Variants in PRKN observed in about 807,000 individuals in gnomAD.
PRKN encodes the protein parkin RBR E3 ubiquitin protein ligase.
A neutral mutation model predicts 59.5 loss-of-function variants in PRKN; 56 were observed. That is an observed-to-expected ratio of 0.94 (90% CI 0.76 to 1.18). The LOEUF (loss-of-function observed/expected upper bound fraction) is 1.18, where lower values mean the gene tolerates loss of function less well. PRKN is among the 50% of genes most tolerant of loss of function. PRKN has a pLI of 0.00. For missense variants in PRKN, 657 were observed against 596.4 expected, an observed-to-expected ratio of 1.10 and a Z score of -1.06; for synonymous variants, 250 against 222.1, an observed-to-expected ratio of 1.13 and a Z score of -1.12.
intron 6 of PRKN, among the ~76,000 whole-genome samples, chr6:161,932,270 G>A (rs7744171): frequency 0.039 from 5,947 of 151,976 alleles, 368 homozygotes; most frequent in African/African-American, 0.14. Flanking sequence ...TTATGTTTCC[G>A]AAACAGTTCA....
intron 7 of PRKN, among the ~76,000 whole-genome samples, chr6:161,747,940 A>G (rs529523567): frequency 1.8e-4 from 27 of 152,362 alleles, no homozygotes; most frequent in African/African-American, 6.0e-4. Context: ...AGGAGAAAAT[A>G]TAACCTAAAT....
At chr6:161,965,610 G>A (rs576123234) in intron 6 of PRKN, among the ~76,000 whole-genome samples, 5 of 152,166 alleles carry the variant, frequency 3.3e-5, no homozygotes, top group Non-Finnish European at 7.3e-5. Flanking sequence ...GAGGTCCTGA[G>A]AACATACCCA....
chr6:162,424,457 C>T (rs1009734063), intron 2 of PRKN, among the ~76,000 whole-genome samples: 7 of 151,940 alleles, frequency 4.6e-5, no homozygotes, highest in African/African-American at 9.7e-5. Flanking sequence ...GGGGGTGTGC[C>T]GGGCGTGGTG....
intron 4 of PRKN, among the ~76,000 whole-genome samples, chr6:162,126,637 C>T (rs146222082): frequency 1.1e-3 from 169 of 152,272 alleles, no homozygotes; most frequent in African/African-American, 3.6e-3. Flanking sequence ...ACATTTAATC[C>T]TCCTGCAGAC....
At chr6:162,216,889 A>T (rs562045941) in intron 3 of PRKN, among the ~76,000 whole-genome samples, 1 of 152,312 alleles carries the variant, frequency 6.6e-6, no homozygotes, top group Admixed American at 6.5e-5. Context: ...GGGTAAAATC[A>T]GGGTTTTGGA....
At chr6:162,066,351 CTCTTT>C (rs900559390) in intron 4 of PRKN, among the ~76,000 whole-genome samples, 80 of 152,186 alleles carry the variant, frequency 5.3e-4, no homozygotes, top group African/African-American at 1.9e-3. Context: ...TTCTCTCTCT[CTCTTT>C]TAAGGAAACA....
At chr6:162,669,051 A>G (rs1361120323) in intron 1 of PRKN, among the ~76,000 whole-genome samples, 3 of 152,152 alleles carry the variant, frequency 2.0e-5, no homozygotes, top group Admixed American at 6.6e-5. Flanking sequence ...AAATGGCACA[A>G]TAAGTAACAG....
At chr6:161,653,153 A>C (rs921921433) in intron 7 of PRKN, among the ~76,000 whole-genome samples, 11 of 152,134 alleles carry the variant, frequency 7.2e-5, no homozygotes, top group African/African-American at 2.7e-4. Context: ...CACAAGGTCA[A>C]AGATCGAGAC....
At chr6:162,190,879 C>T (rs1046192196) in intron 4 of PRKN, among the ~76,000 whole-genome samples, 2 of 152,172 alleles carry the variant, frequency 1.3e-5, no homozygotes, top group African/African-American at 4.8e-5. Flanking sequence ...ACCCACTGCC[C>T]TACAGATGTA....
At chr6:162,073,680 G>A (rs891503804) in intron 4 of PRKN, among the ~76,000 whole-genome samples, 9 of 152,276 alleles carry the variant, frequency 5.9e-5, no homozygotes, top group South Asian at 2.1e-4. Context: ...TGGAACTCCC[G>A]GGCTCAAGCA....
rs373122735 is a variant in PRKN at position 161,666,169 on chromosome 6, A to AG, written c.872-96754dup. 5.1e-3 allele frequency among the ~76,000 whole-genome samples: 770 copies of AG among 152,250 alleles called. 7 individuals are homozygous for AG. Among genetic ancestry groups the AG allele is most frequent in the African/African-American group, 0.018 (728 of 41,556 alleles). On this transcript the variant is annotated intron_variant, in intron 7 of 11. Transcript: ENST00000366898. ...TCCTCAGACAAACCCACTACAGGGC[A>AG]GGGGGTCCCCAACCTCCCGAGCCAT... is the stretch of plus-strand genomic sequence containing the variant.
In PRKN at chr6:161,352,002, G is replaced by A. The variant is rs1244484081; in HGVS notation, c.1286-1791C>T. Among the ~76,000 whole-genome samples, 1 of 152,188 alleles carries A rather than the reference G, an allele frequency of 6.6e-6. No homozygotes were observed. Among genetic ancestry groups the A allele is most frequent in the Non-Finnish European group, 1.5e-5 (1 of 68,034 alleles). On this transcript the variant is annotated intron_variant, in intron 11 of 11. Coordinates refer to ENST00000366898, the MANE Select transcript of PRKN (RefSeq NM_004562.3). The surrounding 1 kb of genome is among the most constrained non-coding windows in gnomAD (Gnocchi z 5.8). ...GAGTGCACACAGCCCTGCTTCAGTC[G>A]CTGTGGGGGAACTGAAGGGAGGAGG...
At position 162,278,522 on chromosome 6, in the gene PRKN, G is replaced by GT. The variant is rs537865067; in HGVS notation, c.172-15758dup. Among the ~76,000 whole-genome samples the GT allele has an allele frequency of 1.3e-3, 195 of 152,162 alleles. 1 individual carries two copies. Among genetic ancestry groups the GT allele is most frequent in the African/African-American group, 4.3e-3 (179 of 41,522 alleles). ...GTGGGGGATGTTGATAATGGAGAGG[G>GT]TATGGGCACATTTGGGCAGGGAGTA... is the stretch of plus-strand genomic sequence containing the variant. On this transcript the variant is annotated intron_variant, in intron 2 of 11. Coordinates refer to ENST00000366898, the MANE Select transcript of PRKN (RefSeq NM_004562.3).
chr6:161,754,029 T>A (rs1289452835), intron 7 of PRKN, among the ~76,000 whole-genome samples: 1 of 151,704 alleles, frequency 6.6e-6, no homozygotes, highest in Non-Finnish European at 1.5e-5. Context: ...GCGGAGGAAT[T>A]TAAAGTAAAA....
chr6:162,563,872 T>C (rs148216524), intron 1 of PRKN, among the ~76,000 whole-genome samples: 14 of 152,170 alleles, frequency 9.2e-5, no homozygotes, highest in East Asian at 7.7e-4. Context: ...AAAAACACAA[T>C]TGGCATACTG....
intron 1 of PRKN, among the ~76,000 whole-genome samples, chr6:162,624,818 G>C (rs1018733215): frequency 2.6e-5 from 4 of 152,192 alleles, no homozygotes; most frequent in Non-Finnish European, 4.4e-5. Context: ...ACCATGCCCA[G>C]CAAGGACAGA....
At chr6:162,521,665 T>C (rs904269311) in intron 1 of PRKN, among the ~76,000 whole-genome samples, 6 of 152,090 alleles carry the variant, frequency 3.9e-5, no homozygotes, top group Admixed American at 1.3e-4. Flanking sequence ...ATATTATATA[T>C]GTGTGTATGT....
intron 1 of PRKN, among the ~76,000 whole-genome samples, chr6:162,683,652 T>TA (rs1394126351): frequency 2.0e-5 from 3 of 152,090 alleles, no homozygotes; most frequent in Non-Finnish European, 2.9e-5. Context: ...TTTATGAATG[T>TA]AAAAAAACTA....
chr6:162,009,297 T>C (rs1782387854), intron 5 of PRKN, among the ~76,000 whole-genome samples: 1 of 151,666 alleles, frequency 6.6e-6, no homozygotes, highest in South Asian at 2.1e-4. Flanking sequence ...ATTGTCTAGA[T>C]TCAACCTTGG....
Sources: allele counts gnomAD v4.1 joint callset (sites outside exome capture counted in the v4.1 genomes callset), GRCh38; gene constraint gnomAD v4.1.1; non-coding constraint Gnocchi (gnomAD v3.1); transcripts MANE v1.5; gene names NCBI Gene and HGNC (gene_info 2026-07-23, HGNC 2026-07-21).